MCCC1: variants seen among roughly 807,000 people sequenced by gnomAD.
The protein encoded by MCCC1 is methylcrotonyl-CoA carboxylase subunit 1.
A neutral mutation model predicts 83.8 loss-of-function variants in MCCC1; 64 were observed. That is an observed-to-expected ratio of 0.76 (90% CI 0.62 to 0.94). MCCC1 has a LOEUF of 0.94. Ranked by LOEUF, MCCC1 falls within the 40% of genes least tolerant of loss-of-function variation. The pLI is 0.00. For synonymous variants in MCCC1, 322 were observed against 315.4 expected (o/e 1.02, Z -0.22); for missense variants, 807 against 904.7 (o/e 0.89, Z 1.39).
At chr3:183,096,716 G>A (rs1718764760) in intron 1 of MCCC1, among the ~76,000 whole-genome samples, 1 of 152,220 alleles carries the variant, frequency 6.6e-6, no homozygotes, top group Admixed American at 6.5e-5. Context: ...AGTTCCGTGA[G>A]CTAGCTTCCT....
chr3:183,070,850 C>T, intron 7 of MCCC1, 149 bp downstream of exon 7: 1 of 924,946 alleles, frequency 1.1e-6, no homozygotes, highest in South Asian at 1.7e-5. Flanking sequence ...TACCATCCTA[C>T]AATCAGTGGT....
chr3:183,053,610 G>T (rs1031725853), intron 8 of MCCC1, among the ~76,000 whole-genome samples: 17 of 151,516 alleles, frequency 1.1e-4, no homozygotes, highest in Non-Finnish European at 2.2e-4. Flanking sequence ...TTCGAGACCA[G>T]CCTGGCCAAC....
At position 183,071,175 on chromosome 3, in the gene MCCC1, C is replaced by G. The variant is rs760130146; in HGVS notation, c.639+35G>C. ...ACATAAATAAAACAAAGAAGACAAG[C>G]CTGAATTGGCAAACACAAGCATGCA... On this transcript the variant is annotated intron_variant, in intron 6 of 18. Transcript: ENST00000265594. 1.9e-6 allele frequency: 3 copies of G among 1,614,124 alleles called. No homozygotes were observed. The Middle Eastern group carries it at 4.9e-4, about 266-fold the overall frequency.
intron 13 of MCCC1, 48 bp from the exon 14 acceptor site, chr3:183,034,125 A>G (rs372214861): frequency 7.7e-7 from 1 of 1,304,064 alleles, no homozygotes; most frequent in Non-Finnish European, 1.1e-6. Context: ...TATCAAGCCT[A>G]TGAAATTTAC....
At chr3:183,020,326 A>T in intron 16 of MCCC1, 89 bp from the exon 17 acceptor site, 1 of 1,084,864 alleles carries the variant, frequency 9.2e-7, no homozygotes, top group Non-Finnish European at 1.4e-6. Flanking sequence ...GTTTCCCAGC[A>T]ATTTGTTAAA....
rs1718985567 is a variant in MCCC1 at position 183,099,374 on chromosome 3, G to A, written c.67C>T (p.Pro23Ser). The change falls in exon 1 of 19, where the codon CCG becomes TCG. Residue 23 changes from proline to serine, a missense_variant. Transcript: ENST00000265594. ...CACCTCGGCGGCAGGAGCAGGCTCG[G>A]GAGACGATGCCACCGGTTCCTCTCC... ...AAERNRWHRL[P>S]SLLLPPRTWV... 1 of 1,602,620 alleles carries A rather than the reference G, an allele frequency of 6.2e-7. No individual in the cohort carries two copies. The highest frequency in any genetic ancestry group is 1.1e-5 in the South Asian group (1 of 89,680).
At chr3:183,097,758 T>C (rs1368194814) in intron 1 of MCCC1, among the ~76,000 whole-genome samples, 1 of 152,164 alleles carries the variant, frequency 6.6e-6, no homozygotes, top group Non-Finnish European at 1.5e-5. Flanking sequence ...CAGAGTGACA[T>C]ACTTGAGGAT....
intron 3 of MCCC1, among the ~76,000 whole-genome samples, chr3:183,087,869 C>CAA (rs1223603175): frequency 7.0e-4 from 36 of 51,270 alleles, no homozygotes; most frequent in African/African-American, 1.2e-3. Flanking sequence ...GACTCCTTCT[C>CAA]AAAAAAAAAA....
intron 1 of MCCC1, among the ~76,000 whole-genome samples, chr3:183,111,051 T>A (rs1577385874): frequency 6.6e-6 from 1 of 152,186 alleles, no homozygotes; most frequent in South Asian, 2.1e-4. Context: ...ATGATAAAGA[T>A]GTTTACATAT....
At chr3:183,099,555 C>T, upstream of MCCC1, 2 of 1,229,240 alleles carry the variant, frequency 1.6e-6, no homozygotes, top group Non-Finnish European at 2.3e-6. Context: ...ACCGTCGGAG[C>T]CTGAGCCTAC....
At chr3:183,093,494 G>C (rs1404973360) in intron 2 of MCCC1, among the ~76,000 whole-genome samples, 8 of 152,188 alleles carry the variant, frequency 5.3e-5, no homozygotes, top group Non-Finnish European at 1.2e-4. Context: ...TGCAACACAA[G>C]TGACTCTTGT....
At chr3:183,048,570 T>C (rs138527910) in intron 9 of MCCC1, among the ~76,000 whole-genome samples, 1 of 152,326 alleles carries the variant, frequency 6.6e-6, no homozygotes, top group Non-Finnish European at 1.5e-5. Context: ...TTAACATGCA[T>C]GTACCTAACA....
rs116601967 is a variant in MCCC1 at position 183,095,553 on chromosome 3, T to A, written c.90-948A>T. Among the ~76,000 whole-genome samples the A allele has an allele frequency of 3.7e-3, 556 of 152,274 alleles. 1 individual carries two copies. Among genetic ancestry groups the A allele is most frequent in the African/African-American group, 0.013 (531 of 41,562 alleles). ...AGGGTCGAGTCACTTTACATCAGTG[T>A]TTCTCCAACTTTTTTTTCATTATTA... On this transcript the variant is annotated intron_variant, in intron 1 of 18. Coordinates refer to ENST00000265594, the MANE Select transcript of MCCC1 (RefSeq NM_020166.5).
chr3:183,083,326 A>G (rs1447719404), intron 4 of MCCC1, among the ~76,000 whole-genome samples: 1 of 152,204 alleles, frequency 6.6e-6, no homozygotes, highest in Non-Finnish European at 1.5e-5. Flanking sequence ...CTTTCTGATC[A>G]GGTCTGCCCC....
rs201703785 is a variant in MCCC1, at chr3:183,025,709, G to A, written c.1731+46C>T. The A allele has an allele frequency of 2.0e-5, 31 of 1,522,206 alleles. 1 individual carries two copies. The East Asian group carries it at 2.7e-4, about 13-fold the overall frequency. The allele number at this position is 1,522,206 out of a possible 1,614,324, so 94.3% of individuals were successfully genotyped here. ...GAAAGACCCTATTCAGTATAAAAGC[G>A]GTCAGATTCAGCTCTGCACTGTAGA... On this transcript the variant is annotated intron_variant, in intron 15 of 18. Transcript: ENST00000265594.
intron 13 of MCCC1, among the ~76,000 whole-genome samples, chr3:183,034,451 T>C (rs1233564835): frequency 2.8e-5 from 3 of 107,516 alleles, no homozygotes; most frequent in Non-Finnish European, 5.4e-5. Flanking sequence ...CAAGACTCCG[T>C]CTCAAAAAAA....
chr3:183,076,939 T>C (rs80083845), intron 4 of MCCC1, among the ~76,000 whole-genome samples: 9,819 of 152,272 alleles, frequency 0.064, 481 homozygotes, highest in African/African-American at 0.11. Flanking sequence ...ACTGTCTCTA[T>C]AGATTTACCT....
intron 17 of MCCC1, among the ~76,000 whole-genome samples, chr3:183,019,006 G>T (rs914817235): frequency 6.6e-6 from 1 of 152,190 alleles, no homozygotes; most frequent in African/African-American, 2.4e-5. Flanking sequence ...GTTGTGCAGA[G>T]ATGCCTGCAC....
intron 7 of MCCC1, among the ~76,000 whole-genome samples, chr3:183,070,472 C>T (rs573445375): frequency 3.9e-5 from 6 of 152,286 alleles, no homozygotes; most frequent in African/African-American, 1.2e-4. Flanking sequence ...CAGTGGCTCA[C>T]GCCTGTAATC....
Sources: allele counts gnomAD v4.1 joint callset (sites outside exome capture counted in the v4.1 genomes callset), GRCh38; gene constraint gnomAD v4.1.1; transcripts MANE v1.5; gene names NCBI Gene and HGNC (gene_info 2026-07-23, HGNC 2026-07-21).